The following CNTNAP2 variants were observed in gnomAD, a reference collection of about 807,000 sequenced individuals.
CNTNAP2 encodes the protein contactin associated protein 2, also known as contactin-associated protein-like 2.
CNTNAP2 carries 98 observed loss-of-function variants against 155.2 expected under a neutral mutation model. The ratio of observed to expected loss-of-function variants is 0.63; its 90% CI spans 0.54 to 0.75. The LOEUF is 0.75. CNTNAP2 is among the 30% of genes least tolerant of loss of function. The pLI is 0.00. For missense variants in CNTNAP2, 1,727 were observed against 1,688.1 expected (o/e 1.02, Z -0.40); for synonymous variants, 651 against 631.2 (o/e 1.03, Z -0.47).
intron 18 of CNTNAP2, among the ~76,000 whole-genome samples, chr7:148,180,085 T>C (rs189191972): frequency 6.6e-6 from 1 of 152,298 alleles, no homozygotes; most frequent in East Asian, 1.9e-4. Flanking sequence ...GTTGGAAGTA[T>C]GCATCTTAGA....
intron 18 of CNTNAP2, among the ~76,000 whole-genome samples, chr7:148,209,818 A>C (rs1795511988): frequency 6.6e-6 from 1 of 152,154 alleles, no homozygotes; most frequent in Non-Finnish European, 1.5e-5. Flanking sequence ...GAATACCACG[A>C]CCTTTCTATC....
At chr7:147,862,145 C>A (rs1799146378) in intron 13 of CNTNAP2, among the ~76,000 whole-genome samples, 1 of 152,082 alleles carries the variant, frequency 6.6e-6, no homozygotes. Context: ...TGAAAACCGA[C>A]CACATCCTTT....
intron 13 of CNTNAP2, among the ~76,000 whole-genome samples, chr7:147,734,157 A>G (rs1796796050): frequency 6.6e-6 from 1 of 152,192 alleles, no homozygotes; most frequent in Non-Finnish European, 1.5e-5. Context: ...TGGGTTTGTC[A>G]TAAATAGCCT....
At chr7:147,438,351 C>T (rs1400280934) in intron 10 of CNTNAP2, among the ~76,000 whole-genome samples, 1 of 152,026 alleles carries the variant, frequency 6.6e-6, no homozygotes, top group Non-Finnish European at 1.5e-5. Flanking sequence ...GATAATTTTT[C>T]AGCATCAGTT....
chr7:147,390,228 T>C (rs956009701), intron 9 of CNTNAP2, among the ~76,000 whole-genome samples: 4 of 152,200 alleles, frequency 2.6e-5, no homozygotes, highest in Admixed American at 2.6e-4. Flanking sequence ...AGTTACATAA[T>C]GTTTCACAGG....
chr7:148,114,226 G>A (rs189343871), intron 15 of CNTNAP2, among the ~76,000 whole-genome samples: 45 of 152,330 alleles, frequency 3.0e-4, no homozygotes, highest in Non-Finnish European at 6.0e-4. Flanking sequence ...TGGATAAGGA[G>A]AATTATGGTG....
At chr7:146,729,178 G>A (rs930602994) in intron 1 of CNTNAP2, among the ~76,000 whole-genome samples, 1 of 152,184 alleles carries the variant, frequency 6.6e-6, no homozygotes, top group Non-Finnish European at 1.5e-5. Context: ...CAGCAAACCT[G>A]TTCTTCATTA....
At chr7:146,723,506 C>T (rs891610481) in intron 1 of CNTNAP2, among the ~76,000 whole-genome samples, 1 of 152,150 alleles carries the variant, frequency 6.6e-6, no homozygotes, top group Non-Finnish European at 1.5e-5. Flanking sequence ...AAAATATTCA[C>T]AAATTGGTTC....
At chr7:147,355,469 C>CA (rs539262310) in intron 9 of CNTNAP2, among the ~76,000 whole-genome samples, 66 of 151,764 alleles carry the variant, frequency 4.3e-4, no homozygotes, top group Middle Eastern at 3.4e-3. Flanking sequence ...GATACAGATA[C>CA]AAAAAACCTT....
intron 8 of CNTNAP2, among the ~76,000 whole-genome samples, chr7:147,150,031 A>G (rs187916980): frequency 7.9e-5 from 12 of 152,312 alleles, no homozygotes; most frequent in Non-Finnish European, 1.6e-4. Flanking sequence ...AAAGAATGCA[A>G]AGAGTTTGGA....
intron 1 of CNTNAP2, among the ~76,000 whole-genome samples, chr7:146,259,162 T>C (rs1799883327): frequency 6.6e-6 from 1 of 152,238 alleles, no homozygotes; most frequent in African/African-American, 2.4e-5. Flanking sequence ...GTAAGTTTCC[T>C]GAGGCCTCCC....
At chr7:147,908,842 G>A (rs1313153443) in intron 14 of CNTNAP2, among the ~76,000 whole-genome samples, 1 of 152,152 alleles carries the variant, frequency 6.6e-6, no homozygotes, top group Non-Finnish European at 1.5e-5. Flanking sequence ...GGATTAAGAT[G>A]AACTAAGACC....
chr7:147,147,548 G>C (rs1801731392), intron 8 of CNTNAP2, among the ~76,000 whole-genome samples: 1 of 152,156 alleles, frequency 6.6e-6, no homozygotes, highest in Non-Finnish European at 1.5e-5. Flanking sequence ...AGCAAGGAGA[G>C]TGAGCACTGA....
chr7:147,142,654 A>T (rs938383773), intron 8 of CNTNAP2, among the ~76,000 whole-genome samples: 4 of 152,168 alleles, frequency 2.6e-5, no homozygotes, highest in African/African-American at 9.7e-5. Flanking sequence ...GAATGGCACC[A>T]GCTCCTCCTA....
intron 1 of CNTNAP2, among the ~76,000 whole-genome samples, chr7:146,406,034 G>A (rs1795785377): frequency 6.6e-6 from 1 of 152,186 alleles, no homozygotes; most frequent in African/African-American, 2.4e-5. Flanking sequence ...AAATTTAAAT[G>A]AGCAAATCAC....
intron 19 of CNTNAP2, among the ~76,000 whole-genome samples, chr7:148,218,713 T>C (rs563873461): frequency 2.0e-5 from 3 of 152,058 alleles, no homozygotes; most frequent in South Asian, 4.2e-4. Context: ...TTACTTGTAA[T>C]ATCCTGGGCC....
At chr7:146,212,563 A>G (rs1562991889) in intron 1 of CNTNAP2, among the ~76,000 whole-genome samples, 2 of 152,198 alleles carry the variant, frequency 1.3e-5, no homozygotes, top group African/African-American at 4.8e-5. Flanking sequence ...GTATTTTGCC[A>G]TAATATTATC....
intron 2 of CNTNAP2, among the ~76,000 whole-genome samples, chr7:146,776,681 G>T (rs957890495): frequency 6.6e-6 from 1 of 152,040 alleles, no homozygotes; most frequent in Non-Finnish European, 1.5e-5. Context: ...TCTGCCTTTG[G>T]TTTTTTAATG....
chr7:146,354,711 G>A (rs1043907233), intron 1 of CNTNAP2, among the ~76,000 whole-genome samples: 12 of 151,970 alleles, frequency 7.9e-5, no homozygotes, highest in African/African-American at 2.2e-4. Context: ...CACTGTGCCC[G>A]GCCCCTATTT....
Sources: allele counts gnomAD v4.1 joint callset (sites outside exome capture counted in the v4.1 genomes callset), GRCh38; gene constraint gnomAD v4.1.1; transcripts MANE v1.5; gene names NCBI Gene and HGNC (gene_info 2026-07-23, HGNC 2026-07-21).